Variants in HS3ST5 observed in about 807,000 individuals in gnomAD.
HS3ST5 encodes heparan sulfate-glucosamine 3-sulfotransferase 5.
A neutral mutation model predicts 25.4 loss-of-function variants in HS3ST5; 10 were observed. That is an observed-to-expected ratio of 0.39 (90% confidence interval 0.24 to 0.67). HS3ST5 has a LOEUF of 0.67. Ranked by LOEUF, HS3ST5 falls within the 30% of genes least tolerant of loss-of-function variation. The pLI is 0.44. For synonymous variants in HS3ST5, 170 were observed against 162.4 expected (o/e 1.05, Z -0.36); for missense variants, 324 against 420.7 (o/e 0.77, Z 2.01).
intron 3 of HS3ST5, among the ~76,000 whole-genome samples, chr6:114,151,504 A>G (rs1438817301): frequency 6.6e-6 from 1 of 152,202 alleles, no homozygotes; most frequent in Non-Finnish European, 1.5e-5. Context: ...CTCAGAAACT[A>G]ATGGTCTGCA....
intron 1 of HS3ST5, among the ~76,000 whole-genome samples, chr6:114,312,268 T>A (rs572190503): frequency 4.6e-5 from 7 of 152,308 alleles, no homozygotes; most frequent in African/African-American, 1.4e-4. Context: ...AATTAAAAAC[T>A]GATGCTTGTC....
At chr6:114,176,810 G>C (rs1779746688) in intron 2 of HS3ST5, among the ~76,000 whole-genome samples, 1 of 152,156 alleles carries the variant, frequency 6.6e-6, no homozygotes, top group African/African-American at 2.4e-5. Flanking sequence ...CTATTTTTAT[G>C]TCCTATATAC....
intron 3 of HS3ST5, among the ~76,000 whole-genome samples, chr6:114,092,052 A>G (rs1257053772): frequency 6.6e-6 from 1 of 152,180 alleles, no homozygotes; most frequent in Non-Finnish European, 1.5e-5. Context: ...TTTCCAAATG[A>G]CAGTGATTCA....
chr6:114,101,509 A>G (rs1002128036), intron 3 of HS3ST5, among the ~76,000 whole-genome samples: 4 of 152,182 alleles, frequency 2.6e-5, no homozygotes, highest in Non-Finnish European at 4.4e-5. Flanking sequence ...CTGTGGGTAT[A>G]TCAAAAGCTC....
chr6:114,275,189 A>T (rs1303715691), intron 1 of HS3ST5, among the ~76,000 whole-genome samples: 1 of 151,024 alleles, frequency 6.6e-6, no homozygotes, highest in African/African-American at 2.4e-5. Flanking sequence ...GAGTTTAAGT[A>T]CCTTGGAGTC....
intron 3 of HS3ST5, among the ~76,000 whole-genome samples, chr6:114,076,801 T>A (rs1468070098): frequency 6.6e-6 from 1 of 152,138 alleles, no homozygotes; most frequent in Non-Finnish European, 1.5e-5. Flanking sequence ...TCAAGTCGAA[T>A]GGGAGATGGG....
intron 2 of HS3ST5, among the ~76,000 whole-genome samples, chr6:114,172,052 C>G (rs1408329302): frequency 6.6e-6 from 1 of 152,140 alleles, no homozygotes; most frequent in Non-Finnish European, 1.5e-5. Context: ...CTAACATTAG[C>G]TCAAAACTTT....
chr6:114,168,650 G>C (rs959096087), intron 2 of HS3ST5, among the ~76,000 whole-genome samples, 188 bp from the exon 3 acceptor site: 6 of 152,064 alleles, frequency 3.9e-5, no homozygotes, highest in African/African-American at 1.4e-4. Context: ...CAATTTGCAG[G>C]GGAAGAGCAG....
chr6:114,218,741 A>T (rs1245040414), intron 2 of HS3ST5, among the ~76,000 whole-genome samples: 1 of 152,152 alleles, frequency 6.6e-6, no homozygotes, highest in Non-Finnish European at 1.5e-5. Flanking sequence ...CAAACACGTA[A>T]CTTTTTTATG....
intron 2 of HS3ST5, among the ~76,000 whole-genome samples, chr6:114,227,879 G>A (rs1771378683): frequency 6.6e-6 from 1 of 152,022 alleles, no homozygotes; most frequent in African/African-American, 2.4e-5. Context: ...CAATGACAGG[G>A]CTATCACTCT....
chr6:114,237,216 T>C (rs1771899628), intron 1 of HS3ST5, among the ~76,000 whole-genome samples: 1 of 152,206 alleles, frequency 6.6e-6, no homozygotes, highest in Non-Finnish European at 1.5e-5. Flanking sequence ...GCATCATTTC[T>C]CTAGTTGACA....
intron 3 of HS3ST5, among the ~76,000 whole-genome samples, chr6:114,089,567 C>A (rs186553396): frequency 6.6e-6 from 1 of 152,108 alleles, no homozygotes; most frequent in African/African-American, 2.4e-5. Context: ...TTTTTATTAG[C>A]GCTTCCACTT....
At chr6:114,204,662 C>A (rs1167183684) in intron 2 of HS3ST5, among the ~76,000 whole-genome samples, 5 of 152,042 alleles carry the variant, frequency 3.3e-5, no homozygotes, top group Non-Finnish European at 5.9e-5. Flanking sequence ...ATAAAACACA[C>A]ACTTTATTTT....
At chr6:114,206,132 G>T (rs757979636) in intron 2 of HS3ST5, among the ~76,000 whole-genome samples, 1 of 152,090 alleles carries the variant, frequency 6.6e-6, no homozygotes, top group African/African-American at 2.4e-5. Flanking sequence ...CAGGAAATTC[G>T]AACAGTTTTT....
At chr6:114,143,808 A>C (rs1333012938) in intron 3 of HS3ST5, 1 of 152,366 alleles carries the variant, frequency 6.6e-6, no homozygotes, top group Non-Finnish European at 1.5e-5. Flanking sequence ...AACTATTGAC[A>C]CTCGCCAGTC....
intron 1 of HS3ST5, among the ~76,000 whole-genome samples, chr6:114,253,117 G>T (rs1166296376): frequency 6.6e-6 from 1 of 152,150 alleles, no homozygotes; most frequent in East Asian, 1.9e-4. Flanking sequence ...GAGCCTAGGA[G>T]TTTGGAGTTC....
At chr6:114,273,344 G>T (rs1341162611) in intron 1 of HS3ST5, among the ~76,000 whole-genome samples, 1 of 152,012 alleles carries the variant, frequency 6.6e-6, no homozygotes, top group Non-Finnish European at 1.5e-5. Flanking sequence ...GAAAAATTGG[G>T]ATTTGTTTTG....
At chr6:114,239,011 G>A (rs1771983032) in intron 1 of HS3ST5, 1 of 152,148 alleles carries the variant, frequency 6.6e-6, no homozygotes. Flanking sequence ...TCCAAAGACA[G>A]ATCATACTTT....
At chr6:114,238,242 A>C (rs1771948301) in intron 1 of HS3ST5, among the ~76,000 whole-genome samples, 1 of 152,204 alleles carries the variant, frequency 6.6e-6, no homozygotes, top group South Asian at 2.1e-4. Context: ...CTTTCCTAGG[A>C]AACAGTTGGT....
Sources: allele counts gnomAD v4.1 joint callset (sites outside exome capture counted in the v4.1 genomes callset), GRCh38; gene constraint gnomAD v4.1.1; transcripts MANE v1.5; gene names NCBI Gene and HGNC (gene_info 2026-07-23, HGNC 2026-07-21).